UBE3A: variants seen among roughly 807,000 people sequenced by gnomAD.
UBE3A encodes ubiquitin protein ligase E3A.
In UBE3A, 6 loss-of-function variants were observed where a neutral mutation model predicts 83.4. That is an observed-to-expected ratio of 0.07 (90% CI 0.04 to 0.14). The LOEUF is 0.14. Ranked by LOEUF, UBE3A falls within the 10% of genes least tolerant of loss-of-function variation. The pLI is 1.00. For synonymous variants in UBE3A, 337 were observed against 355.4 expected (o/e 0.95, Z 0.58); for missense variants, 456 against 1,036.1 (o/e 0.44, Z 7.69).
intron 4 of UBE3A, among the ~76,000 whole-genome samples, chr15:25,400,808 T>C (rs1438854986): frequency 6.6e-6 from 1 of 152,216 alleles, no homozygotes; most frequent in Non-Finnish European, 1.5e-5. Flanking sequence ...TCTTGCCTAA[T>C]TGCTCTTGCA....
intron 1 of UBE3A, among the ~76,000 whole-genome samples, chr15:25,428,634 A>C (rs559370209): frequency 6.6e-6 from 1 of 152,346 alleles, no homozygotes; most frequent in East Asian, 1.9e-4. Context: ...TTTAAAACAT[A>C]CAGAAAATAA....
intron 4 of UBE3A, among the ~76,000 whole-genome samples, chr15:25,396,973 C>T (rs2085728025): frequency 6.6e-6 from 1 of 152,100 alleles, no homozygotes; most frequent in Non-Finnish European, 1.5e-5. Flanking sequence ...TGGGATGTTG[C>T]CATTAATGGA....
rs1349979924 is a variant in UBE3A at position 25,398,816 on chromosome 15, A to AATACATATAT, written c.62+6644_62+6645insATATATGTAT. Among the ~76,000 whole-genome samples, 8 of 40,824 alleles carry AATACATATAT rather than the reference A, an allele frequency of 2.0e-4. No homozygotes were observed. The East Asian group carries it at 0.012, about 60-fold the overall frequency. The allele number at this position is 40,824 out of a possible 152,430, so 26.8% of individuals were successfully genotyped here. On this transcript the variant is annotated intron_variant, in intron 4 of 12. Coordinates refer to ENST00000648336, the MANE Select transcript of UBE3A (RefSeq NM_130839.5). ...ATATATATATATATATATATATATA[A>AATACATATAT]AAATACATATATATCCAAGTGTGAC...
chr15:25,368,180 T>C (rs2079633609), intron 6 of UBE3A, among the ~76,000 whole-genome samples: 1 of 152,158 alleles, frequency 6.6e-6, no homozygotes, highest in Admixed American at 6.5e-5. Context: ...GAAAAATTCA[T>C]CACTTTTGAG....
At chr15:25,408,443 A>C in intron 3 of UBE3A, 1 of 855,276 alleles carries the variant, frequency 1.2e-6, no homozygotes. Context: ...GTGTCAGAAT[A>C]ACAAGTCAGA....
intron 11 of UBE3A, chr15:25,345,979 C>T (rs1000002425): frequency 5.3e-5 from 8 of 152,272 alleles, no homozygotes; most frequent in African/African-American, 1.9e-4. Context: ...AAGAAACAAA[C>T]CCATGCTTGA....
At chr15:25,376,995 A>G (rs75804557) in intron 4 of UBE3A, among the ~76,000 whole-genome samples, 255 of 152,348 alleles carry the variant, frequency 1.7e-3, no homozygotes, top group Non-Finnish European at 2.3e-3. Context: ...CCAAAGAAAC[A>G]TAAGTCATAG....
At chr15:25,348,656 G>A (rs867127048) in intron 11 of UBE3A, among the ~76,000 whole-genome samples, 2 of 151,990 alleles carry the variant, frequency 1.3e-5, no homozygotes, top group Non-Finnish European at 2.9e-5. Flanking sequence ...TATAAAAATC[G>A]ATTTTATTTC....
intron 2 of UBE3A, among the ~76,000 whole-genome samples, chr15:25,411,372 T>C (rs1243836276): frequency 6.6e-6 from 1 of 152,192 alleles, no homozygotes; most frequent in Non-Finnish European, 1.5e-5. Context: ...GGTGGATCAC[T>C]TGAGGCCAGG....
chr15:25,338,408 G>A lies in UBE3A; in HGVS notation c.*729C>T, dbSNP rs2074173859. 6.6e-6 allele frequency: 1 copy of A among 152,090 alleles called. No homozygotes were observed. Among genetic ancestry groups the A allele is most frequent in the Non-Finnish European group, 1.5e-5 (1 of 67,990 alleles). The allele number at this position is 152,090 out of a possible 1,614,324, so 9.4% of individuals were successfully genotyped here. ...TGAAACAGTTCATTGCAAGACACAT[G>A]AAGACGACATACTGTGGCATGAGTT... On this transcript the variant is annotated 3_prime_UTR_variant, in exon 13 of 13. Transcript: ENST00000648336.
chr15:25,398,739 A>C (rs2086180948), intron 4 of UBE3A, among the ~76,000 whole-genome samples: 1 of 139,368 alleles, frequency 7.2e-6, no homozygotes, highest in Non-Finnish European at 1.6e-5. Context: ...GGGAGTACAG[A>C]TCTCTTCAGC....
chr15:25,364,425 G>A (rs893507737), intron 6 of UBE3A, among the ~76,000 whole-genome samples: 5 of 152,014 alleles, frequency 3.3e-5, no homozygotes, highest in Non-Finnish European at 7.4e-5. Context: ...CTGTAAAGGT[G>A]TATTCTTTAC....
intron 3 of UBE3A, 188 bp from the exon 4 acceptor site, chr15:25,405,690 G>T: frequency 1.6e-6 from 1 of 622,714 alleles, no homozygotes. Context: ...TTTATTTTAA[G>T]GGTTGGACTA....
intron 1 of UBE3A, among the ~76,000 whole-genome samples, chr15:25,417,293 G>A (rs944211968): frequency 1.3e-5 from 2 of 152,106 alleles, no homozygotes; most frequent in African/African-American, 4.8e-5. Context: ...AAACTCCAAT[G>A]TAGCCCTGAA....
At chr15:25,382,919 A>G (rs1241701885) in intron 4 of UBE3A, among the ~76,000 whole-genome samples, 1 of 152,162 alleles carries the variant, frequency 6.6e-6, no homozygotes, top group East Asian at 1.9e-4. Flanking sequence ...GAATGGACCT[A>G]TAACTATTAG....
rs1332731957 is a variant in UBE3A at position 25,351,358 on chromosome 15, A to T, written c.2354+2995T>A. On this transcript the variant is annotated intron_variant, in intron 11 of 12. Coordinates refer to ENST00000648336, the MANE Select transcript of UBE3A (RefSeq NM_130839.5). ...CCTCAATGAATTAGCAGATCTAGGC[A>T]ATCAGAATCCACGATAAAAATTACT... 3.9e-5 allele frequency among the ~76,000 whole-genome samples: 6 copies of T among 152,220 alleles called. No homozygotes were observed. The East Asian group carries it at 1.2e-3, about 29-fold the overall frequency.
intron 6 of UBE3A, among the ~76,000 whole-genome samples, chr15:25,365,174 T>C (rs1034535489): frequency 5.3e-5 from 8 of 152,012 alleles, no homozygotes; most frequent in African/African-American, 1.7e-4. Flanking sequence ...GATGAAATCC[T>C]AGGGAGTTCA....
chr15:25,352,612 AC>A (rs942687723), intron 11 of UBE3A, among the ~76,000 whole-genome samples: 8 of 152,270 alleles, frequency 5.3e-5, no homozygotes, highest in Admixed American at 5.2e-4. Flanking sequence ...CAGGGTTGCC[AC>A]CAAAAAAACT....
intron 3 of UBE3A, among the ~76,000 whole-genome samples, chr15:25,406,099 T>C (rs895285463): frequency 1.3e-5 from 2 of 152,162 alleles, no homozygotes. Context: ...GCCTAAAATA[T>C]TTATTTTCTG....
Sources: allele counts gnomAD v4.1 joint callset (sites outside exome capture counted in the v4.1 genomes callset), GRCh38; gene constraint gnomAD v4.1.1; transcripts MANE v1.5; gene names NCBI Gene and HGNC (gene_info 2026-07-23, HGNC 2026-07-21).